Variants in MIPOL1 observed in about 807,000 individuals in gnomAD.
MIPOL1 encodes mirror-image polydactyly 1, also known as mirror-image polydactyly gene 1 protein.
A neutral mutation model predicts 60.9 loss-of-function variants in MIPOL1; 57 were observed. The observed-to-expected ratio is 0.94, with a 90% CI of 0.76 to 1.17. The LOEUF is 1.17. Among genes scored for constraint, MIPOL1 ranks in the 50% most tolerant of loss-of-function variants. The pLI is 0.00. For missense variants in MIPOL1, 551 were observed against 511.6 expected (o/e 1.08, Z -0.74); for synonymous variants, 179 against 168.8 (o/e 1.06, Z -0.47).
At chr14:37,271,012 G>A (rs2083265994) in intron 6 of MIPOL1, among the ~76,000 whole-genome samples, 1 of 152,016 alleles carries the variant, frequency 6.6e-6, no homozygotes, top group South Asian at 2.1e-4. Flanking sequence ...TGACGTAGAC[G>A]CTAATAGAGG....
At chr14:37,318,346 A>T (rs1328591729) in intron 9 of MIPOL1, among the ~76,000 whole-genome samples, 1 of 152,202 alleles carries the variant, frequency 6.6e-6, no homozygotes, top group Non-Finnish European at 1.5e-5. Flanking sequence ...CAAAAAGGTT[A>T]TACTCGAAAG....
chr14:37,246,064 A>G (rs1243748115), intron 1 of MIPOL1, among the ~76,000 whole-genome samples: 1 of 152,136 alleles, frequency 6.6e-6, no homozygotes, highest in Non-Finnish European at 1.5e-5. Flanking sequence ...TGGTTATTGA[A>G]GTTTATTAAA....
Position 37,247,899 on chromosome 14 carries a change from G to T in MIPOL1, c.11G>T (p.Trp4Leu), listed in dbSNP as rs1973427321. 2 of 1,613,046 alleles carry T rather than the reference G, an allele frequency of 1.2e-6. No individual in the cohort carries two copies. Among genetic ancestry groups the T allele is most frequent in the Non-Finnish European group, 1.7e-6 (2 of 1,179,404 alleles). The change falls in exon 3 of 13, where the codon TGG becomes TTG. Residue 4 changes from tryptophan (W) to leucine (L), a missense_variant. Physicochemically the swap from Trp to Leu is moderately conservative, Grantham distance 61 (BLOSUM62 -2). Coordinates refer to ENST00000684589, the MANE Select transcript of MIPOL1 (RefSeq NM_001388067.1). ...AGAACAGAAATACAAATGGAGAACTGGTCAAAAGGTAAGGACTTTTAAGGT... is the reference window on the plus strand; with the variant it reads ...AGAACAGAAATACAAATGGAGAACTTGTCAAAAGGTAAGGACTTTTAAGGT... Reference protein sequence around the residue: MENWSKDITHSYLE... With the variant: MENLSKDITHSYLE...
chr14:37,309,672 G>C (rs12588137), intron 9 of MIPOL1, among the ~76,000 whole-genome samples: 59,943 of 151,108 alleles, frequency 0.4, 14,363 homozygotes, highest in Non-Finnish European at 0.53. Flanking sequence ...ATTCATGCTA[G>C]AACTCTGACT....
chr14:37,258,105 CCATT>C (rs1975261823), intron 3 of MIPOL1, among the ~76,000 whole-genome samples: 1 of 152,128 alleles, frequency 6.6e-6, no homozygotes, highest in African/African-American at 2.4e-5. Context: ...AATCATCCAT[CCATT>C]AGAACTAACA....
At chr14:37,421,811 G>C (rs907672889) in intron 10 of MIPOL1, among the ~76,000 whole-genome samples, 1 of 147,322 alleles carries the variant, frequency 6.8e-6, no homozygotes, top group Admixed American at 6.6e-5. Context: ...CCTATAATCA[G>C]GGTTTTACAA....
chr14:37,460,629 A>T (rs963639805), intron 11 of MIPOL1, among the ~76,000 whole-genome samples: 2 of 152,108 alleles, frequency 1.3e-5, no homozygotes, highest in African/African-American at 2.4e-5. Context: ...CCTCCCAAAG[A>T]CTCCTAGATT....
Position 37,200,850 on chromosome 14 carries a change from ATGTGTGTGTGTGTGTGTGTGTGTGTG to A in MIPOL1, c.-199+2770_-199+2795del, listed in dbSNP as rs56965903. 2.8e-3 allele frequency among the ~76,000 whole-genome samples: 246 copies of A among 87,016 alleles called. 2 individuals carry two copies. The highest frequency in any genetic ancestry group is 0.012 in the African/African-American group (233 of 19,808). 57.1% of individuals were successfully genotyped at this position (87,016 alleles called of 152,430 possible). ...TAGATCCATAATACTATATCTATCTATGTGTGTGTGTGTGTGTGTGTGTGTGTGTGTGTGTGTGTGTGTGTGTGTAT... is the reference window on the plus strand; with the variant it reads ...TAGATCCATAATACTATATCTATCTATGTGTGTGTGTGTGTGTGTGTGTAT... On this transcript the variant is annotated intron_variant, in intron 1 of 12. Coordinates refer to ENST00000684589, the MANE Select transcript of MIPOL1 (RefSeq NM_001388067.1).
intron 9 of MIPOL1, among the ~76,000 whole-genome samples, chr14:37,313,692 C>CT (rs1290942780): frequency 6.6e-6 from 1 of 152,118 alleles, no homozygotes; most frequent in Non-Finnish European, 1.5e-5. Context: ...TGTTTGGACT[C>CT]TATTATAGGC....
chr14:37,225,631 G>T (rs999124712), intron 1 of MIPOL1, among the ~76,000 whole-genome samples: 1 of 152,088 alleles, frequency 6.6e-6, no homozygotes, highest in East Asian at 1.9e-4. Flanking sequence ...TTCCTCATAG[G>T]CCTCCGGGTC....
chr14:37,325,942 C>A (rs2089115148), intron 9 of MIPOL1, among the ~76,000 whole-genome samples: 1 of 152,128 alleles, frequency 6.6e-6, no homozygotes, highest in Admixed American at 6.6e-5. Flanking sequence ...TTATGTCCTC[C>A]CGCGAAAGCT....
chr14:37,411,093 A>G (rs2093673969), intron 10 of MIPOL1, among the ~76,000 whole-genome samples: 1 of 152,172 alleles, frequency 6.6e-6, no homozygotes, highest in Non-Finnish European at 1.5e-5. Context: ...CATATAAAAT[A>G]GATTGAAATT....
intron 9 of MIPOL1, among the ~76,000 whole-genome samples, chr14:37,362,201 GCATCAATGGTCTTTACA>G (rs2092294334): frequency 6.6e-6 from 1 of 152,146 alleles, no homozygotes; most frequent in Non-Finnish European, 1.5e-5. Flanking sequence ...TTTCTTCATA[GCATCAATGGTCTTTACA>G]ATTTGGCATG....
chr14:37,344,218 T>G (rs573621239), intron 9 of MIPOL1, among the ~76,000 whole-genome samples: 34 of 152,218 alleles, frequency 2.2e-4, no homozygotes, highest in African/African-American at 7.9e-4. Flanking sequence ...AATCTATAAA[T>G]AAGAATCACA....
At chr14:37,348,580 A>G (rs968135373) in intron 9 of MIPOL1, among the ~76,000 whole-genome samples, 11 of 152,042 alleles carry the variant, frequency 7.2e-5, no homozygotes, top group Admixed American at 7.2e-4. Context: ...TAATGTGATC[A>G]GAATACCAAC....
chr14:37,525,314 C>G (rs1812578389), intron 12 of MIPOL1, among the ~76,000 whole-genome samples: 1 of 152,112 alleles, frequency 6.6e-6, no homozygotes, highest in African/African-American at 2.4e-5. Flanking sequence ...ACTGTGGGGA[C>G]ACTTAGAAAG....
intron 11 of MIPOL1, among the ~76,000 whole-genome samples, chr14:37,489,841 A>G (rs970828900): frequency 2.0e-5 from 3 of 152,106 alleles, no homozygotes; most frequent in African/African-American, 7.2e-5. Context: ...CTAGAGGGGC[A>G]CCCACCAGAT....
chr14:37,482,314 T>C (rs2094883484), intron 11 of MIPOL1, among the ~76,000 whole-genome samples: 1 of 152,164 alleles, frequency 6.6e-6, no homozygotes, highest in African/African-American at 2.4e-5. Context: ...CCAGTAGATA[T>C]ATGAAAAAAT....
chr14:37,523,221 T>TTTAATGAGTCCATAC (rs2095425493), intron 12 of MIPOL1, among the ~76,000 whole-genome samples: 1 of 152,136 alleles, frequency 6.6e-6, no homozygotes, highest in Non-Finnish European at 1.5e-5. Flanking sequence ...TGCCTAATTA[T>TTTAATGAGTCCATAC]TTAATGAGTC....
Sources: allele counts gnomAD v4.1 joint callset (sites outside exome capture counted in the v4.1 genomes callset), GRCh38; gene constraint gnomAD v4.1.1; transcripts MANE v1.5; gene names NCBI Gene and HGNC (gene_info 2026-07-23, HGNC 2026-07-21).